SEMA5A: variants seen among roughly 807,000 people sequenced by gnomAD.
SEMA5A encodes the protein semaphorin 5A, also known as semaphorin-5A.
A neutral mutation model predicts 135.5 loss-of-function variants in SEMA5A; 55 were observed. The observed-to-expected ratio is 0.41, with a 90% CI of 0.33 to 0.51. The LOEUF is 0.51. Among genes scored for constraint, SEMA5A ranks in the 20% least tolerant of loss-of-function variants. The pLI is 0.37. For missense variants in SEMA5A, 1,290 were observed against 1,419.9 expected (o/e 0.91, Z 1.47); for synonymous variants, 580 against 546.5 (o/e 1.06, Z -0.85).
chr5:9,503,623 A>G (rs890771392), intron 1 of SEMA5A, among the ~76,000 whole-genome samples: 3 of 152,194 alleles, frequency 2.0e-5, no homozygotes, highest in African/African-American at 7.2e-5. Flanking sequence ...TGCATTTAAA[A>G]TTTTAAAAAT....
At position 9,197,840 on chromosome 5, in the gene SEMA5A, A is replaced by AT. The variant is rs199753765; in HGVS notation, c.933-538dup. On this transcript the variant is annotated intron_variant, in intron 9 of 22. Coordinates refer to ENST00000382496, the MANE Select transcript of SEMA5A (RefSeq NM_003966.3). Reference sequence around the variant, plus strand: ...TCCTTTAAAAAAATCAACTCAAAGTATTTTATAAAAAGTGACTGTCTGACT... The same window carrying AT: ...TCCTTTAAAAAAATCAACTCAAAGTATTTTTATAAAAAGTGACTGTCTGACT... Among the ~76,000 whole-genome samples the AT allele has an allele frequency of 5.3e-3, 810 of 151,610 alleles. 6 individuals are homozygous for AT. Among genetic ancestry groups the AT allele is most frequent in the African/African-American group, 0.019 (777 of 41,286 alleles).
chr5:9,351,304 C>G (rs1249745755), intron 3 of SEMA5A, among the ~76,000 whole-genome samples: 1 of 152,162 alleles, frequency 6.6e-6, no homozygotes, highest in East Asian at 1.9e-4. Context: ...CATCAAATCT[C>G]TTAGGCAGCC....
At chr5:9,385,692 G>A (rs1433845003) in intron 2 of SEMA5A, among the ~76,000 whole-genome samples, 1 of 151,912 alleles carries the variant, frequency 6.6e-6, no homozygotes, top group African/African-American at 2.4e-5. Context: ...AAAGGCTGAA[G>A]CGATTGCTGC....
At chr5:9,438,067 G>A (rs1579540133) in intron 1 of SEMA5A, among the ~76,000 whole-genome samples, 1 of 152,122 alleles carries the variant, frequency 6.6e-6, no homozygotes, top group Non-Finnish European at 1.5e-5. Context: ...TTTTTCTTCA[G>A]AAAAGGAGAA....
At chr5:9,059,704 C>A (rs964115907) in intron 18 of SEMA5A, among the ~76,000 whole-genome samples, 2 of 152,102 alleles carry the variant, frequency 1.3e-5, no homozygotes, top group Non-Finnish European at 2.9e-5. Context: ...TACATGCCAC[C>A]ATGCCAGGCT....
At chr5:9,248,534 C>T (rs977399618) in intron 5 of SEMA5A, among the ~76,000 whole-genome samples, 2 of 145,810 alleles carry the variant, frequency 1.4e-5, no homozygotes, top group African/African-American at 2.5e-5. Flanking sequence ...ATCTCTGCAA[C>T]CTGTGAAGTT....
At chr5:9,489,305 G>A (rs539335561) in intron 1 of SEMA5A, among the ~76,000 whole-genome samples, 7 of 152,158 alleles carry the variant, frequency 4.6e-5, no homozygotes, top group East Asian at 3.9e-4. Flanking sequence ...TGGCAGGTGC[G>A]GTGTTAGGCT....
chr5:9,259,359 G>A (rs1561080988), intron 5 of SEMA5A, among the ~76,000 whole-genome samples: 4 of 152,154 alleles, frequency 2.6e-5, no homozygotes, highest in South Asian at 2.1e-4. Flanking sequence ...GTAGTTGAGT[G>A]GCTTTGAGTG....
chr5:9,434,575 C>T (rs1235244648), intron 2 of SEMA5A, among the ~76,000 whole-genome samples: 7 of 152,054 alleles, frequency 4.6e-5, no homozygotes, highest in Non-Finnish European at 8.8e-5. Flanking sequence ...CTTTATAATA[C>T]ACATGAACTT....
chr5:9,433,968 A>G (rs7703053), intron 2 of SEMA5A, among the ~76,000 whole-genome samples: 2,921 of 152,296 alleles, frequency 0.019, 104 homozygotes, highest in African/African-American at 0.063. Flanking sequence ...AACAATTGCT[A>G]TTGTTTTTGA....
intron 3 of SEMA5A, among the ~76,000 whole-genome samples, chr5:9,354,327 T>A (rs992676302): frequency 6.6e-6 from 1 of 152,200 alleles, no homozygotes. Flanking sequence ...CCCACTGACT[T>A]CCTGGGAGAG....
chr5:9,359,589 A>G (rs915639349), intron 3 of SEMA5A, among the ~76,000 whole-genome samples: 3 of 152,150 alleles, frequency 2.0e-5, no homozygotes, highest in Non-Finnish European at 2.9e-5. Context: ...CCTTTCCTGA[A>G]GGTCATGATG....
At chr5:9,132,403 G>C (rs1364418842) in intron 13 of SEMA5A, among the ~76,000 whole-genome samples, 1 of 152,072 alleles carries the variant, frequency 6.6e-6, no homozygotes, top group African/African-American at 2.4e-5. Flanking sequence ...GAATGGATTT[G>C]GTACCCTTAT....
intron 16 of SEMA5A, among the ~76,000 whole-genome samples, chr5:9,091,972 G>T (rs1739059232): frequency 6.6e-6 from 1 of 152,202 alleles, no homozygotes; most frequent in Non-Finnish European, 1.5e-5. Context: ...AAAGTTATGA[G>T]CTTGAATCCT....
chr5:9,343,798 A>G (rs1158661748), intron 3 of SEMA5A, among the ~76,000 whole-genome samples: 1 of 152,114 alleles, frequency 6.6e-6, no homozygotes, highest in African/African-American at 2.4e-5. Context: ...TTTCCTTTGC[A>G]GTTTGCGTTA....
chr5:9,374,636 T>TGTGC (rs1397327810), intron 3 of SEMA5A, among the ~76,000 whole-genome samples: 1 of 151,962 alleles, frequency 6.6e-6, no homozygotes, highest in African/African-American at 2.4e-5. Flanking sequence ...TGTGTGTGTG[T>TGTGC]GTGTGTGTGT....
rs117904602 is a variant in SEMA5A, at chr5:9,503,034, T to C, written c.-175+42550A>G. On this transcript the variant is annotated intron_variant, in intron 1 of 22. Coordinates refer to ENST00000382496, the MANE Select transcript of SEMA5A (RefSeq NM_003966.3). ...ATTTTGCACTGTGTCCAAATAATGA[T>C]AGCACAGGGAATACATGAATAACTG... 7.7e-4 allele frequency among the ~76,000 whole-genome samples: 117 copies of C among 152,246 alleles called. No homozygotes were observed. In the East Asian group the frequency reaches 0.015, roughly 20 times the overall value.
intron 4 of SEMA5A, among the ~76,000 whole-genome samples, chr5:9,327,587 T>C (rs1378668134): frequency 6.6e-6 from 1 of 152,166 alleles, no homozygotes; most frequent in African/African-American, 2.4e-5. Context: ...ATTTAGCAAG[T>C]AGAATGAAAT....
At chr5:9,377,552 G>C (rs1262659894) in intron 3 of SEMA5A, among the ~76,000 whole-genome samples, 1 of 151,782 alleles carries the variant, frequency 6.6e-6, no homozygotes, top group Non-Finnish European at 1.5e-5. Context: ...AAAAAAAAGA[G>C]AGAGAAAAAA....
Sources: gnomAD v4.1 joint callset for allele counts (sites outside exome capture counted in the v4.1 genomes callset) on GRCh38, gnomAD v4.1.1 for gene constraint, MANE v1.5 for transcripts, NCBI Gene and HGNC (gene_info 2026-07-23, HGNC 2026-07-21) for gene names.